The following TTC8 variants were observed in gnomAD, a reference collection of about 807,000 sequenced individuals.
TTC8 encodes the protein tetratricopeptide repeat protein 8.
TTC8 carries 47 observed loss-of-function variants against 72.5 expected under a neutral mutation model. That is an observed-to-expected ratio of 0.65 (90% confidence interval 0.51 to 0.83). TTC8 has a LOEUF of 0.83. Among genes scored for constraint, TTC8 ranks in the 40% least tolerant of loss-of-function variants. The pLI is 0.00. For synonymous variants in TTC8, 199 were observed against 221.4 expected (o/e 0.90, Z 0.90); for missense variants, 611 against 623.2 (o/e 0.98, Z 0.21).
intron 10 of TTC8, among the ~76,000 whole-genome samples, chr14:88,865,295 A>G (rs1267091993): frequency 6.6e-6 from 1 of 152,190 alleles, no homozygotes; most frequent in African/African-American, 2.4e-5. Context: ...GAAGTCCTGG[A>G]AGGTGGGACT....
intron 9 of TTC8, among the ~76,000 whole-genome samples, chr14:88,860,204 A>G (rs2094879134): frequency 6.6e-6 from 1 of 151,780 alleles, no homozygotes. Flanking sequence ...TCTCTCTCTC[A>G]TCTCAAACTT....
chr14:88,824,755 G>A lies in TTC8; in HGVS notation c.48G>A (p.Arg16=). ...EPLLLAWSYF[R]RRKFQLCADL... is the part of the protein sequence containing the mutation. ...TGCTCCTGGCCTGGAGCTATTTTAG[G>A]CGCAGGAAGTTCCAGCTCTGCGCCG... Residue 16 remains arginine (R), a synonymous_variant, in exon 1 of 15, where the codon AGG becomes AGA. Coordinates refer to ENST00000380656, the MANE Select transcript of TTC8 (RefSeq NM_144596.4). 6 of 1,613,110 alleles carry A rather than the reference G, an allele frequency of 3.7e-6. No homozygotes were observed. The highest frequency in any genetic ancestry group is 5.1e-6 in the Non-Finnish European group (6 of 1,179,684).
intron 1 of TTC8, chr14:88,830,970 T>A (rs573684347): frequency 4.4e-6 from 2 of 455,418 alleles, no homozygotes; most frequent in Non-Finnish European, 8.8e-6. Context: ...TCATCCCACA[T>A]ACTCAGCAGA....
chr14:88,879,943 C>T (rs1430737743), downstream of TTC8: 2 of 152,196 alleles, frequency 1.3e-5, no homozygotes, highest in African/African-American at 4.8e-5. Flanking sequence ...TCCCAAAGTG[C>T]TAAGATTACA....
At chr14:88,853,851 A>C (rs934462073) in intron 8 of TTC8, among the ~76,000 whole-genome samples, 1 of 152,202 alleles carries the variant, frequency 6.6e-6, no homozygotes, top group African/African-American at 2.4e-5. Context: ...GAACATTTGG[A>C]AAAATAGAAA....
chr14:88,843,982 T>C, intron 7 of TTC8, 132 bp downstream of exon 7: 1 of 675,020 alleles, frequency 1.5e-6, no homozygotes, highest in African/African-American at 1.8e-5. Flanking sequence ...ACTAATACTT[T>C]AAAATCCACC....
chr14:88,845,035 A>G (rs2094799693), intron 7 of TTC8, among the ~76,000 whole-genome samples: 1 of 152,238 alleles, frequency 6.6e-6, no homozygotes, highest in Admixed American at 6.5e-5. Flanking sequence ...GGAAAGGGAA[A>G]AATTCAGAAG....
chr14:88,852,930 T>C (rs1156310730), intron 7 of TTC8, 41 bp from the exon 8 acceptor site: 8 of 1,531,470 alleles, frequency 5.2e-6, no homozygotes, highest in Non-Finnish European at 7.2e-6. Context: ...TGCTTATTGT[T>C]AGAAAAGAAA....
At chr14:88,853,985 AAAG>A (rs1339506904) in intron 8 of TTC8, among the ~76,000 whole-genome samples, 3 of 152,190 alleles carry the variant, frequency 2.0e-5, no homozygotes, top group African/African-American at 7.2e-5. Flanking sequence ...CTCTGAGAAA[AAAG>A]AAGACTATAA....
intron 7 of TTC8, among the ~76,000 whole-genome samples, chr14:88,851,236 G>A (rs1378123832): frequency 2.0e-5 from 3 of 152,124 alleles, no homozygotes; most frequent in Non-Finnish European, 2.9e-5. Flanking sequence ...GAGAAAAAAA[G>A]GTCAGAGTTC....
At chr14:88,863,723 C>T (rs2094898211) in intron 10 of TTC8, among the ~76,000 whole-genome samples, 1 of 152,212 alleles carries the variant, frequency 6.6e-6, no homozygotes, top group Non-Finnish European at 1.5e-5. Flanking sequence ...TTTTTCTATG[C>T]AGGTGTATTC....
At chr14:88,877,199 A>G in intron 14 of TTC8, 95 bp from the exon 15 acceptor site, 2 of 879,990 alleles carry the variant, frequency 2.3e-6, no homozygotes, top group Non-Finnish European at 3.7e-6. Flanking sequence ...TTGAATTTCT[A>G]CAGCATGCAG....
chr14:88,848,070 C>A (rs188399418), intron 7 of TTC8, among the ~76,000 whole-genome samples: 1 of 148,086 alleles, frequency 6.8e-6, no homozygotes, highest in South Asian at 2.1e-4. Context: ...TTGCCGTGAG[C>A]CCAGATCGCG....
chr14:88,874,746 C>T (rs2094949642), intron 13 of TTC8, among the ~76,000 whole-genome samples: 1 of 152,006 alleles, frequency 6.6e-6, no homozygotes, highest in Admixed American at 6.6e-5. Context: ...AACATTGGTT[C>T]CCAAATAACT....
intron 3 of TTC8, chr14:88,840,326 C>T (rs527532061): frequency 1.9e-5 from 3 of 158,412 alleles, no homozygotes; most frequent in South Asian, 3.6e-4. Flanking sequence ...TTATAGTTCT[C>T]AGTCATTTAT....
intron 14 of TTC8, among the ~76,000 whole-genome samples, chr14:88,876,807 C>A (rs919511340): frequency 3.3e-5 from 5 of 152,140 alleles, no homozygotes; most frequent in Non-Finnish European, 5.9e-5. Flanking sequence ...GCCTTAAATA[C>A]AGCAGTTTTT....
At chr14:88,878,011 G>T (rs570201022), downstream of TTC8, 5 of 152,064 alleles carry the variant, frequency 3.3e-5, no homozygotes, top group East Asian at 7.7e-4. Context: ...TTTTTAATGA[G>T]TTTTTATTTT....
At chr14:88,855,070 C>T (rs1251399963) in intron 8 of TTC8, among the ~76,000 whole-genome samples, 1 of 152,108 alleles carries the variant, frequency 6.6e-6, no homozygotes, top group Non-Finnish European at 1.5e-5. Context: ...TATGTACTTA[C>T]GTTCATGGTT....
chr14:88,838,684 A>G (rs538092036), intron 2 of TTC8, among the ~76,000 whole-genome samples: 1 of 152,346 alleles, frequency 6.6e-6, no homozygotes, highest in South Asian at 2.1e-4. Flanking sequence ...AAGAAATTGA[A>G]TGGTGTACAT....
Sources: gnomAD v4.1 joint callset for allele counts (sites outside exome capture counted in the v4.1 genomes callset) on GRCh38, gnomAD v4.1.1 for gene constraint, MANE v1.5 for transcripts, NCBI Gene and HGNC (gene_info 2026-07-23, HGNC 2026-07-21) for gene names.